The following LHFPL6 variants were observed in gnomAD, a reference collection of about 807,000 sequenced individuals.
The protein encoded by LHFPL6 is LHFPL tetraspan subfamily member 6 protein.
Under a neutral mutation model 20.6 loss-of-function variants are expected in LHFPL6, and 9 were observed. That is an observed-to-expected ratio of 0.44 (90% confidence interval 0.26 to 0.76). The LOEUF is 0.76. Ranked by LOEUF, LHFPL6 falls within the 30% of genes least tolerant of loss-of-function variation. The probability of loss-of-function intolerance (pLI) is 0.20; values close to 1 mark genes in which losing one functional copy is unlikely to be tolerated. For missense variants in LHFPL6, 218 were observed against 253.5 expected, an observed-to-expected ratio of 0.86 and a Z score of 0.95; for synonymous variants, 105 against 98.7, an observed-to-expected ratio of 1.06 and a Z score of -0.38.
rs540835499 is a variant in LHFPL6 at position 39,514,130 on chromosome 13, G to A, written c.385+86702C>T. Among the ~76,000 whole-genome samples, 13 of 152,172 alleles carry A rather than the reference G, an allele frequency of 8.5e-5. No homozygotes were observed. In the South Asian group the frequency reaches 2.5e-3, roughly 29 times the overall value. ...TCCCAGCTACTGATCATTTAAACTG[G>A]CCAAACTAAAGTAACTGGGTTCACT... On this transcript the variant is annotated intron_variant, in intron 2 of 3. Transcript: ENST00000379589.
At chr13:39,421,777 G>A (rs1373181229) in intron 2 of LHFPL6, among the ~76,000 whole-genome samples, 5 of 152,126 alleles carry the variant, frequency 3.3e-5, no homozygotes. Context: ...GCTGAAAAAT[G>A]GTTTCAGACT....
chr13:39,464,190 TA>T (rs1872748236), intron 2 of LHFPL6, among the ~76,000 whole-genome samples: 1 of 152,156 alleles, frequency 6.6e-6, no homozygotes, highest in African/African-American at 2.4e-5. Flanking sequence ...AGTGATGAGT[TA>T]AAAAAGTCTT....
intron 3 of LHFPL6, among the ~76,000 whole-genome samples, chr13:39,354,608 C>T (rs1002389926): frequency 3.3e-5 from 5 of 152,034 alleles, no homozygotes; most frequent in African/African-American, 1.2e-4. Context: ...CAAGATTCAG[C>T]AGAAAGTTAA....
chr13:39,477,845 T>C (rs888607848), intron 2 of LHFPL6, among the ~76,000 whole-genome samples: 56 of 152,180 alleles, frequency 3.7e-4, no homozygotes, highest in African/African-American at 1.3e-3. Flanking sequence ...AAGCATATCA[T>C]AGAGTCAACA....
At chr13:39,582,268 C>T (rs1211872240) in intron 2 of LHFPL6, among the ~76,000 whole-genome samples, 1 of 152,202 alleles carries the variant, frequency 6.6e-6, no homozygotes, top group Non-Finnish European at 1.5e-5. Context: ...ATTTCTCATC[C>T]CATCTTTCAT....
At chr13:39,597,298 C>T (rs1872799599) in intron 2 of LHFPL6, among the ~76,000 whole-genome samples, 1 of 152,236 alleles carries the variant, frequency 6.6e-6, no homozygotes, top group African/African-American at 2.4e-5. Context: ...GCAAGCACCA[C>T]CTGACAGAAC....
intron 2 of LHFPL6, among the ~76,000 whole-genome samples, chr13:39,466,928 A>G (rs1050167934): frequency 3.3e-5 from 5 of 152,188 alleles, no homozygotes; most frequent in Admixed American, 2.6e-4. Context: ...ATCATTATTC[A>G]TCTATTTGCT....
chr13:39,534,300 C>T (rs1870553170), intron 2 of LHFPL6, among the ~76,000 whole-genome samples: 1 of 152,102 alleles, frequency 6.6e-6, no homozygotes, highest in South Asian at 2.1e-4. Flanking sequence ...TCTTGTTAAT[C>T]CTCCTGCCCT....
chr13:39,424,598 A>C (rs1871590542), intron 2 of LHFPL6, among the ~76,000 whole-genome samples: 1 of 152,194 alleles, frequency 6.6e-6, no homozygotes. Flanking sequence ...GCCAGTCCAC[A>C]GTCACATAAA....
intron 3 of LHFPL6, among the ~76,000 whole-genome samples, chr13:39,370,032 C>T (rs1256054562): frequency 6.6e-6 from 1 of 152,104 alleles, no homozygotes; most frequent in Non-Finnish European, 1.5e-5. Flanking sequence ...GTTGAATGAA[C>T]ATCCCTGAAA....
chr13:39,366,318 A>G (rs1221000111), intron 3 of LHFPL6, among the ~76,000 whole-genome samples: 2 of 152,210 alleles, frequency 1.3e-5, no homozygotes, highest in African/African-American at 4.8e-5. Flanking sequence ...TCCATTTTTA[A>G]TATTCATCAT....
At chr13:39,391,456 G>A (rs554982525) in intron 2 of LHFPL6, among the ~76,000 whole-genome samples, 1 of 152,240 alleles carries the variant, frequency 6.6e-6, no homozygotes, top group South Asian at 2.1e-4. Flanking sequence ...AGAGCTCTAT[G>A]TTGTAAGGAT....
At chr13:39,504,535 C>T (rs1423679094) in intron 2 of LHFPL6, among the ~76,000 whole-genome samples, 2 of 152,132 alleles carry the variant, frequency 1.3e-5, no homozygotes, top group Admixed American at 1.3e-4. Flanking sequence ...TTGGTTTCTC[C>T]GGAGGCCTCT....
At chr13:39,514,302 G>A (rs562758392) in intron 2 of LHFPL6, among the ~76,000 whole-genome samples, 1 of 151,976 alleles carries the variant, frequency 6.6e-6, no homozygotes, top group Non-Finnish European at 1.5e-5. Flanking sequence ...TAAGTCCAAG[G>A]GTCTCTTCCG....
chr13:39,363,305 T>C (rs754977105), intron 3 of LHFPL6, among the ~76,000 whole-genome samples: 9 of 152,254 alleles, frequency 5.9e-5, no homozygotes, highest in East Asian at 3.9e-4. Context: ...CCTCTGTTTC[T>C]GCATCCTTTT....
chr13:39,601,332 T>C lies in LHFPL6; in HGVS notation c.-116A>G. Reference sequence around the variant, plus strand: ...TAATCCACAGTTCCGTAATGCAGAATGGATCTTCAGTCTTACTGGGCATCA... The same window carrying C: ...TAATCCACAGTTCCGTAATGCAGAACGGATCTTCAGTCTTACTGGGCATCA... On this transcript the variant is annotated 5_prime_UTR_variant, in exon 2 of 4. Coordinates refer to ENST00000379589, the MANE Select transcript of LHFPL6 (RefSeq NM_005780.3). The C allele has an allele frequency of 9.6e-7, 1 of 1,046,372 alleles. No homozygotes were observed. Among genetic ancestry groups the C allele is most frequent in the Non-Finnish European group, 1.3e-6 (1 of 745,954 alleles). The allele number at this position is 1,046,372 out of a possible 1,614,324, so 64.8% of individuals were successfully genotyped here.
chr13:39,352,324 T>C (rs950396719), intron 3 of LHFPL6, among the ~76,000 whole-genome samples: 3 of 152,320 alleles, frequency 2.0e-5, no homozygotes, highest in Admixed American at 2.0e-4. Flanking sequence ...TTAGTTCCAC[T>C]CCAGAGCTGC....
intron 2 of LHFPL6, among the ~76,000 whole-genome samples, chr13:39,599,333 T>G (rs377364868): frequency 6.6e-6 from 1 of 152,242 alleles, no homozygotes; most frequent in Non-Finnish European, 1.5e-5. Context: ...TTAAATACTC[T>G]TGGCATTAAT....
At chr13:39,381,575 T>TCCTC (rs1870437427) in intron 2 of LHFPL6, among the ~76,000 whole-genome samples, 1 of 151,964 alleles carries the variant, frequency 6.6e-6, no homozygotes, top group Non-Finnish European at 1.5e-5. Flanking sequence ...CATGGCAGAA[T>TCCTC]CCTCCCACTT....
Sources: allele counts gnomAD v4.1 joint callset (sites outside exome capture counted in the v4.1 genomes callset), GRCh38; gene constraint gnomAD v4.1.1; transcripts MANE v1.5; gene names NCBI Gene and HGNC (gene_info 2026-07-23, HGNC 2026-07-21).